Variants in DCC observed in about 807,000 individuals in gnomAD.
The protein encoded by DCC is netrin receptor DCC.
DCC carries 58 observed loss-of-function variants against 172.5 expected under a neutral mutation model. The observed-to-expected ratio is 0.34, with a 90% confidence interval of 0.27 to 0.42. The LOEUF (loss-of-function observed/expected upper bound fraction) is 0.42. DCC is among the 10% of genes least tolerant of loss of function. The probability of loss-of-function intolerance (pLI) is 1.00; values close to 1 mark genes in which losing one functional copy is unlikely to be tolerated. For missense variants in DCC, 1,740 were observed against 1,791.0 expected (o/e 0.97, Z 0.51); for synonymous variants, 709 against 644.5 (o/e 1.10, Z -1.52).
In DCC at chr18:53,535,760, T is replaced by C. The variant is rs1256152225; in HGVS notation, c.*5107T>C. 1 of 152,218 alleles carries C rather than the reference T, an allele frequency of 6.6e-6. No homozygotes were observed. Among genetic ancestry groups the C allele is most frequent in the Non-Finnish European group, 1.5e-5 (1 of 68,026 alleles). The allele number at this position is 152,218 out of a possible 1,614,324, so 9.4% of individuals were successfully genotyped here. On this transcript the variant is annotated 3_prime_UTR_variant, in exon 29 of 29. Transcript: ENST00000442544. ...CTTACAGTTTAAAACAATGACTGTT[T>C]CTACACATGATCTTGTATACTACTA...
At chr18:52,812,547 TATC>T (rs758372963) in intron 2 of DCC, among the ~76,000 whole-genome samples, 73 of 152,324 alleles carry the variant, frequency 4.8e-4, no homozygotes, top group South Asian at 8.3e-4. Context: ...GCAGGAAAGT[TATC>T]ATCCAAGTTC....
At chr18:53,005,925 G>A (rs1314613469) in intron 5 of DCC, among the ~76,000 whole-genome samples, 1 of 152,112 alleles carries the variant, frequency 6.6e-6, no homozygotes, top group Non-Finnish European at 1.5e-5. Context: ...TTGGAACATG[G>A]GTTGGAAGTA....
intron 9 of DCC, among the ~76,000 whole-genome samples, chr18:53,189,987 C>T (rs893420353): frequency 6.6e-6 from 1 of 152,182 alleles, no homozygotes; most frequent in African/African-American, 2.4e-5. Context: ...AGTGCAATGG[C>T]ACGATCCTGG....
chr18:52,505,217 T>A (rs1189484835), intron 1 of DCC, among the ~76,000 whole-genome samples: 1 of 152,000 alleles, frequency 6.6e-6, no homozygotes, highest in African/African-American at 2.4e-5. Flanking sequence ...AGCAGCATTT[T>A]ATTCAGTTTC....
chr18:53,267,917 C>G (rs570990016), intron 12 of DCC, among the ~76,000 whole-genome samples: 17 of 152,246 alleles, frequency 1.1e-4, no homozygotes, highest in Admixed American at 7.2e-4. Context: ...TTGATTACTT[C>G]TAAAGGAGAT....
At chr18:52,453,841 A>G (rs1988380343) in intron 1 of DCC, among the ~76,000 whole-genome samples, 1 of 152,182 alleles carries the variant, frequency 6.6e-6, no homozygotes, top group African/African-American at 2.4e-5. Flanking sequence ...TGAGGAACAT[A>G]ACCCCAGAAT....
At chr18:53,056,729 C>T (rs975055885) in intron 5 of DCC, among the ~76,000 whole-genome samples, 3 of 152,058 alleles carry the variant, frequency 2.0e-5, no homozygotes, top group African/African-American at 7.2e-5. Flanking sequence ...AACTAGCTGG[C>T]TTTCCACTGT....
chr18:52,969,082 T>C (rs1342306064), intron 5 of DCC, among the ~76,000 whole-genome samples: 1 of 152,176 alleles, frequency 6.6e-6, no homozygotes. Context: ...CTAGTTATTC[T>C]TGTTCTCTAG....
intron 2 of DCC, among the ~76,000 whole-genome samples, chr18:52,884,543 T>C (rs529982558): frequency 4.1e-4 from 63 of 152,322 alleles, no homozygotes; most frequent in Non-Finnish European, 7.6e-4. Context: ...TGCTTGATTC[T>C]GTCTTGTTAT....
chr18:53,206,354 T>C (rs1434052194), intron 10 of DCC, among the ~76,000 whole-genome samples: 2 of 71,874 alleles, frequency 2.8e-5, no homozygotes, highest in African/African-American at 1.1e-4. Flanking sequence ...TATGTATATA[T>C]ACATATATGT....
intron 27 of DCC, among the ~76,000 whole-genome samples, chr18:53,508,531 T>G (rs1197849617): frequency 2.6e-5 from 4 of 152,210 alleles, no homozygotes; most frequent in African/African-American, 9.6e-5. Flanking sequence ...CCTAGTATGC[T>G]CTTGAGTCAA....
intron 19 of DCC, among the ~76,000 whole-genome samples, chr18:53,405,707 G>A (rs1041184859): frequency 6.6e-6 from 1 of 152,138 alleles, no homozygotes; most frequent in African/African-American, 2.4e-5. Flanking sequence ...ATTTTCAGAA[G>A]AAAATGATTC....
intron 13 of DCC, among the ~76,000 whole-genome samples, chr18:53,313,331 C>T (rs1176400251): frequency 2.0e-5 from 3 of 152,018 alleles, no homozygotes; most frequent in African/African-American, 7.2e-5. Flanking sequence ...CTGCAACCTC[C>T]GCGTCTCGGG....
chr18:52,896,872 G>C (rs1205415732), intron 2 of DCC, among the ~76,000 whole-genome samples: 2 of 47,762 alleles, frequency 4.2e-5, no homozygotes, highest in African/African-American at 1.3e-4. Context: ...TCCAGTTCTG[G>C]ATTTACTGGG....
intron 26 of DCC, among the ~76,000 whole-genome samples, chr18:53,492,129 C>A (rs1195527700): frequency 6.6e-6 from 1 of 152,078 alleles, no homozygotes; most frequent in Non-Finnish European, 1.5e-5. Context: ...AGTGTCTGTT[C>A]ATATCCTTTG....
At chr18:52,564,391 TA>T (rs1204498998) in intron 1 of DCC, among the ~76,000 whole-genome samples, 3 of 152,116 alleles carry the variant, frequency 2.0e-5, no homozygotes, top group Admixed American at 2.0e-4. Context: ...TGTTCAGATT[TA>T]AAGTTCTTAA....
At chr18:53,342,920 A>C (rs1397064058) in intron 15 of DCC, among the ~76,000 whole-genome samples, 1 of 126,444 alleles carries the variant, frequency 7.9e-6, no homozygotes, top group Non-Finnish European at 1.8e-5. Flanking sequence ...ATTTTAAATA[A>C]ATTTTTACTA....
At chr18:52,734,542 G>A (rs2036694825) in intron 1 of DCC, among the ~76,000 whole-genome samples, 1 of 152,076 alleles carries the variant, frequency 6.6e-6, no homozygotes, top group Admixed American at 6.6e-5. Context: ...CTTGTATCCA[G>A]GTGGGTATCC....
At chr18:53,044,401 T>C (rs2042209388) in intron 5 of DCC, among the ~76,000 whole-genome samples, 1 of 151,558 alleles carries the variant, frequency 6.6e-6, no homozygotes, top group African/African-American at 2.4e-5. Flanking sequence ...TGCCACTGAT[T>C]GAAATTCAGG....
Sources: gnomAD v4.1 joint callset for allele counts (sites outside exome capture counted in the v4.1 genomes callset) on GRCh38, gnomAD v4.1.1 for gene constraint, MANE v1.5 for transcripts, NCBI Gene and HGNC (gene_info 2026-07-23, HGNC 2026-07-21) for gene names.